CASK: variants seen among roughly 807,000 people sequenced by gnomAD.
CASK encodes the protein peripheral plasma membrane protein CASK.
CASK carries 4 observed loss-of-function variants against 82.9 expected under a neutral mutation model. The ratio of observed to expected loss-of-function variants is 0.05; its 90% confidence interval spans 0.02 to 0.11. The LOEUF (loss-of-function observed/expected upper bound fraction) is 0.11. Ranked by LOEUF, CASK falls within the 10% of genes least tolerant of loss-of-function variation. The probability of loss-of-function intolerance (pLI) is 1.00; values close to 1 mark genes in which losing one functional copy is unlikely to be tolerated. For missense variants in CASK, 358 were observed against 720.9 expected (o/e 0.50, Z 5.76); for synonymous variants, 259 against 253.5 (o/e 1.02, Z -0.20).
Position 41,923,156 on chromosome X carries a change from T to G in CASK, c.-168A>C, listed in dbSNP as rs1285558157. ...CGCGAGGCCCAGAGACTGCGGCGCCTTCCTCTGCAGGCGACCGCCCCGGCG... is the reference window on the plus strand; with the variant it reads ...CGCGAGGCCCAGAGACTGCGGCGCCGTCCTCTGCAGGCGACCGCCCCGGCG... On this transcript the variant is annotated 5_prime_UTR_variant, in exon 1 of 27. Transcript: ENST00000378163. The G allele has an allele frequency of 3.6e-5, 10 of 274,011 alleles. No homozygotes were observed. Among genetic ancestry groups the G allele is most frequent in the Non-Finnish European group, 6.2e-5 (10 of 160,008 alleles). The allele number at this position is 274,011 out of a possible 1,213,427, so 22.6% of individuals were successfully genotyped here.
chrX:41,858,982 A>G (rs2071424296), intron 1 of CASK, among the ~76,000 whole-genome samples: 1 of 111,699 alleles, frequency 9.0e-6, no homozygotes, highest in Admixed American at 9.5e-5. Context: ...GTCAGTTGTA[A>G]TTTTATATCT....
At chrX:41,759,749 A>G (rs772612031) in intron 3 of CASK, among the ~76,000 whole-genome samples, 142 of 111,576 alleles carry the variant, frequency 1.3e-3, no homozygotes, top group African/African-American at 4.5e-3. Context: ...GTCTTTTTTC[A>G]TATCTTATTT....
At chrX:41,716,567 CT>C (rs1209750273) in intron 5 of CASK, among the ~76,000 whole-genome samples, 1 of 111,157 alleles carries the variant, frequency 9.0e-6, no homozygotes. Context: ...ATCACCTCAA[CT>C]TTTTTTTTAC....
rs760957859 is a variant in CASK at position 41,531,202 on chromosome X, G to A, written c.2325C>T (p.Thr775=). The A allele has an allele frequency of 8.3e-6, 10 of 1,203,429 alleles. No homozygotes were observed. The Admixed American group carries it at 2.2e-4, about 26-fold the overall frequency. The change falls in exon 25 of 27, where the codon ACC becomes ACT. Residue 775 remains threonine (T), a synonymous_variant. Transcript: ENST00000378163. ...DRFAYPIPHT[T]RPPKKDEENG... is the part of the protein sequence containing the mutation. The stretch of plus-strand genomic sequence containing the variant: ...TTTCTTCGTCTTTCTTTGGAGGTCT[G>A]GTTGTATCTGCAAAGTCGCATGGCA...
intron 21 of CASK, among the ~76,000 whole-genome samples, chrX:41,545,445 C>T (rs1171796122): frequency 8.9e-6 from 1 of 112,482 alleles, no homozygotes; most frequent in African/African-American, 3.2e-5. Flanking sequence ...CTGTGCAGTG[C>T]TATTTCTGTC....
chrX:41,537,866 G>C (rs2064896851), intron 22 of CASK, among the ~76,000 whole-genome samples: 1 of 102,127 alleles, frequency 9.8e-6, no homozygotes, highest in African/African-American at 3.5e-5. Context: ...TATTGAGACA[G>C]GGTCTCGCTC....
At chrX:41,888,814 T>C (rs1435892345) in intron 1 of CASK, among the ~76,000 whole-genome samples, 1 of 106,309 alleles carries the variant, frequency 9.4e-6, no homozygotes, top group African/African-American at 3.4e-5. Flanking sequence ...TATACATGTA[T>C]ATGTATATAT....
intron 2 of CASK, among the ~76,000 whole-genome samples, chrX:41,819,006 G>A (rs1179849321): frequency 9.0e-6 from 1 of 111,127 alleles, no homozygotes; most frequent in Non-Finnish European, 1.9e-5. Context: ...AGCACCAAAA[G>A]TACAATTCAT....
intron 20 of CASK, among the ~76,000 whole-genome samples, chrX:41,554,299 C>G (rs1192807566): frequency 9.0e-6 from 1 of 111,545 alleles, no homozygotes; most frequent in Non-Finnish European, 1.9e-5. Flanking sequence ...TGCGTGGCAG[C>G]CTTTAAGCCA....
At chrX:41,637,802 C>A (rs1019349440) in intron 8 of CASK, among the ~76,000 whole-genome samples, 2 of 109,362 alleles carry the variant, frequency 1.8e-5, no homozygotes, top group South Asian at 8.1e-4. Context: ...TGCCACCATG[C>A]CTGGCTAAGT....
chrX:41,879,019 G>C (rs1411654623), intron 1 of CASK, among the ~76,000 whole-genome samples: 1 of 111,196 alleles, frequency 9.0e-6, no homozygotes, highest in African/African-American at 3.3e-5. Context: ...GAAATTAAAA[G>C]TCTTAGTTCA....
At chrX:41,532,492 G>A (rs1458155815) in intron 24 of CASK, among the ~76,000 whole-genome samples, 1 of 111,610 alleles carries the variant, frequency 9.0e-6, no homozygotes, top group Non-Finnish European at 1.9e-5. Flanking sequence ...CCAGTATCCT[G>A]CAAAACACAC....
intron 14 of CASK, among the ~76,000 whole-genome samples, chrX:41,581,627 A>G (rs1446437158): frequency 1.8e-5 from 2 of 110,490 alleles, no homozygotes; most frequent in African/African-American, 6.6e-5. Flanking sequence ...AAGTATTAAC[A>G]TATTTCCCCT....
At chrX:41,722,866 C>G (rs2068191060) in intron 5 of CASK, among the ~76,000 whole-genome samples, 1 of 112,337 alleles carries the variant, frequency 8.9e-6, no homozygotes. Context: ...AAATAGCATT[C>G]CATTTCTGTT....
chrX:41,727,132 T>C, intron 5 of CASK: 1 of 1,198,122 alleles, frequency 8.3e-7, no homozygotes, highest in East Asian at 3.0e-5. Flanking sequence ...AAACACTCTC[T>C]CTCAATGGAT....
intron 8 of CASK, among the ~76,000 whole-genome samples, chrX:41,642,065 G>T (rs1310404506): frequency 1.8e-5 from 2 of 110,665 alleles, no homozygotes; most frequent in African/African-American, 6.6e-5. Flanking sequence ...TCCCTGCAAA[G>T]GACATGAACT....
At chrX:41,912,300 GTTTTT>G (rs774775542) in intron 1 of CASK, among the ~76,000 whole-genome samples, 1 of 53,170 alleles carries the variant, frequency 1.9e-5, no homozygotes, top group African/African-American at 7.6e-5. Flanking sequence ...TTTGTTTTCT[GTTTTT>G]TTTTTTTTTT....
At chrX:41,620,913 GTATAGATGTTA>G (rs969468236) in intron 11 of CASK, among the ~76,000 whole-genome samples, 6 of 111,933 alleles carry the variant, frequency 5.4e-5, no homozygotes, top group African/African-American at 1.9e-4. Flanking sequence ...TTCTGTCAGC[GTATAGATGTTA>G]TAATCTCTAA....
intron 1 of CASK, among the ~76,000 whole-genome samples, chrX:41,881,980 A>G (rs2071961556): frequency 9.0e-6 from 1 of 111,223 alleles, no homozygotes; most frequent in Non-Finnish European, 1.9e-5. Flanking sequence ...TATATCCATA[A>G]AGCGAAGATA....
Sources: allele counts gnomAD v4.1 joint callset (sites outside exome capture counted in the v4.1 genomes callset), GRCh38; gene constraint gnomAD v4.1.1; transcripts MANE v1.5; gene names NCBI Gene and HGNC (gene_info 2026-07-23, HGNC 2026-07-21).